Variants in ARHGEF38 observed in about 807,000 individuals in gnomAD.
ARHGEF38 encodes Rho guanine nucleotide exchange factor (GEF) 38.
In ARHGEF38, 79 loss-of-function variants were observed where a neutral mutation model predicts 79.9. The observed-to-expected ratio is 0.99, with a 90% CI of 0.82 to 1.19. The LOEUF is 1.19. ARHGEF38 is among the 50% of genes most tolerant of loss of function. The pLI, the probability that ARHGEF38 is intolerant of heterozygous loss-of-function variation, is 0.00. For synonymous variants in ARHGEF38, 366 were observed against 328.3 expected (o/e 1.11, Z -1.24); for missense variants, 962 against 907.2 (o/e 1.06, Z -0.78).
Position 105,666,391 on chromosome 4 carries a change from T to C in ARHGEF38, c.1689+71T>C, listed in dbSNP as rs185081069. 1,014 of 1,390,592 alleles carry C rather than the reference T, an allele frequency of 7.3e-4. 2 individuals carry two copies. Among genetic ancestry groups the C allele is most frequent in the African/African-American group, 6.0e-3 (415 of 68,666 alleles). The allele number at this position is 1,390,592 out of a possible 1,614,324, so 86.1% of individuals were successfully genotyped here. On this transcript the variant is annotated intron_variant, in intron 11 of 13. Coordinates refer to ENST00000420470, the MANE Select transcript of ARHGEF38 (RefSeq NM_001242729.2). ...CCTTATCCAAGTTGTAGTATCATAT[T>C]ATTTTCCAGATCACTTATCTCATTC...
chr4:105,613,617 T>C (rs1728394581), intron 3 of ARHGEF38, 110 bp downstream of exon 3: 2 of 1,230,776 alleles, frequency 1.6e-6, no homozygotes, highest in Non-Finnish European at 2.3e-6. Flanking sequence ...CCAGGAGATA[T>C]ATAAATGCTA....
intron 1 of ARHGEF38, among the ~76,000 whole-genome samples, chr4:105,575,506 G>T (rs2110430549): frequency 6.6e-6 from 1 of 152,002 alleles, no homozygotes; most frequent in Middle Eastern, 3.4e-3. Flanking sequence ...GAGGTTATTT[G>T]TTTTTTCCTT....
intron 3 of ARHGEF38, among the ~76,000 whole-genome samples, chr4:105,626,736 T>TAAAACACAATCTAAAACA (rs1411923632): frequency 1.3e-5 from 2 of 152,032 alleles, no homozygotes; most frequent in African/African-American, 4.8e-5. Context: ...CACAATCTGG[T>TAAAACACAATCTAAAACA]CAGTTACCTA....
chr4:105,592,971 T>C (rs1207409188), intron 2 of ARHGEF38, among the ~76,000 whole-genome samples: 1 of 152,160 alleles, frequency 6.6e-6, no homozygotes, highest in Non-Finnish European at 1.5e-5. Context: ...GTCTGTGTCC[T>C]TTCTCTCTCC....
At chr4:105,554,807 A>G (rs2110384361) in intron 1 of ARHGEF38, among the ~76,000 whole-genome samples, 1 of 152,254 alleles carries the variant, frequency 6.6e-6, no homozygotes, top group Non-Finnish European at 1.5e-5. Flanking sequence ...GGGTACCATA[A>G]TGATAAAACA....
rs897141518 is a variant in ARHGEF38, at chr4:105,552,650, G to A, written c.-116G>A. ...CAGCCAGGTAACCCTGGAGTGAAGC[G>A]GTTTAGTTAGAAGGGAGCAGATAAA... On this transcript the variant is annotated 5_prime_UTR_variant, in exon 1 of 14. Coordinates refer to ENST00000420470, the MANE Select transcript of ARHGEF38 (RefSeq NM_001242729.2). 8.3e-5 allele frequency: 63 copies of A among 760,526 alleles called. No individual in the cohort carries two copies. The highest frequency in any genetic ancestry group is 1.2e-4 in the Non-Finnish European group (58 of 495,176). 47.1% of individuals were successfully genotyped at this position (760,526 alleles called of 1,614,324 possible). A position where few individuals can be genotyped will look rare whatever the true frequency, so the allele number is the denominator to read the frequency against.
At chr4:105,568,039 TTTTTGTTCTTG>T (rs1726025264) in intron 1 of ARHGEF38, among the ~76,000 whole-genome samples, 1 of 149,082 alleles carries the variant, frequency 6.7e-6, no homozygotes, top group South Asian at 2.2e-4. Flanking sequence ...GGTGTTTGGT[TTTTTGTTCTTG>T]CGATAGTTTA....
intron 1 of ARHGEF38, among the ~76,000 whole-genome samples, chr4:105,584,218 A>G (rs1726925401): frequency 6.6e-6 from 1 of 152,240 alleles, no homozygotes; most frequent in Non-Finnish European, 1.5e-5. Context: ...GTTAAAAAAT[A>G]AAACAAAAAA....
At chr4:105,568,556 A>G (rs566496065) in intron 1 of ARHGEF38, among the ~76,000 whole-genome samples, 26 of 152,338 alleles carry the variant, frequency 1.7e-4, no homozygotes, top group African/African-American at 6.0e-4. Flanking sequence ...TCCAAAGACT[A>G]TGGAATTTGT....
In ARHGEF38 at chr4:105,677,874, T is replaced by G. The variant is rs1731177468; in HGVS notation, c.2271T>G (p.Ala757=). Residue 757 remains alanine (A), a synonymous_variant, in exon 14 of 14, where the codon GCT becomes GCG. Coordinates refer to ENST00000420470, the MANE Select transcript of ARHGEF38 (RefSeq NM_001242729.2). ...GTGGCAATAAAGAGTGGTGGTTAGCTGAAGCTCAAGGGCAGAAAGGATACG... is the reference window on the plus strand; with the variant it reads ...GTGGCAATAAAGAGTGGTGGTTAGCGGAAGCTCAAGGGCAGAAAGGATACG... The part of the protein sequence containing the change: ...DLSGNKEWWL[A]EAQGQKGYVP... 6.5e-7 allele frequency: 1 copy of G among 1,534,842 alleles called. No homozygotes were observed. Among genetic ancestry groups the G allele is most frequent in the Non-Finnish European group, 8.7e-7 (1 of 1,146,062 alleles).
chr4:105,597,618 A>T (rs1378800395), intron 2 of ARHGEF38, among the ~76,000 whole-genome samples: 1 of 152,228 alleles, frequency 6.6e-6, no homozygotes, highest in Non-Finnish European at 1.5e-5. Context: ...CTCTTCCATG[A>T]AATTGCCCTG....
In ARHGEF38 at chr4:105,677,742, C is replaced by T. The variant is rs1203828487; in HGVS notation, c.2149-10C>T. The T allele has an allele frequency of 7.8e-6, 11 of 1,412,048 alleles. No homozygotes were observed. Among genetic ancestry groups the T allele is most frequent in the Non-Finnish European group, 9.3e-6 (10 of 1,074,758 alleles). 87.5% of individuals were successfully genotyped at this position (1,412,048 alleles called of 1,614,324 possible). On this transcript the variant is annotated splice_polypyrimidine_tract_variant and intron_variant, in intron 13 of 13. Transcript: ENST00000420470. Reference sequence around the variant, plus strand: ...CCAATTCCAATAATGTCTTTTGTTTCTTTGTCTAGATTTTCTATGCAGTTC... The same window carrying T: ...CCAATTCCAATAATGTCTTTTGTTTTTTTGTCTAGATTTTCTATGCAGTTC...
intron 1 of ARHGEF38, among the ~76,000 whole-genome samples, chr4:105,566,271 C>A (rs1445590150): frequency 6.6e-6 from 1 of 152,192 alleles, no homozygotes; most frequent in African/African-American, 2.4e-5. Flanking sequence ...GCTCATGACA[C>A]TTTTGCATTT....
At chr4:105,614,851 A>T (rs1728449026) in intron 3 of ARHGEF38, among the ~76,000 whole-genome samples, 1 of 152,214 alleles carries the variant, frequency 6.6e-6, no homozygotes, top group African/African-American at 2.4e-5. Context: ...GAAAGGGCTC[A>T]TTTCTCTCTT....
At chr4:105,623,643 C>A (rs541158208) in intron 3 of ARHGEF38, among the ~76,000 whole-genome samples, 2 of 152,258 alleles carry the variant, frequency 1.3e-5, no homozygotes, top group East Asian at 3.9e-4. Context: ...AGGAAGACAT[C>A]GTGAGCTATC....
At chr4:105,578,234 G>A (rs1275582884) in intron 1 of ARHGEF38, among the ~76,000 whole-genome samples, 1 of 152,108 alleles carries the variant, frequency 6.6e-6, no homozygotes, top group Non-Finnish European at 1.5e-5. Flanking sequence ...GTATAGCTAT[G>A]GGGGTTCCTT....
chr4:105,623,825 T>C (rs993821787), intron 3 of ARHGEF38, among the ~76,000 whole-genome samples: 16 of 152,160 alleles, frequency 1.1e-4, no homozygotes, highest in African/African-American at 3.9e-4. Context: ...CAGAGCTTTT[T>C]CCTCTCCAAA....
intron 1 of ARHGEF38, 26 bp from the exon 2 acceptor site, chr4:105,589,222 C>T (rs376079005): frequency 5.2e-5 from 82 of 1,577,390 alleles, no homozygotes; most frequent in Admixed American, 3.8e-5. Flanking sequence ...CAGAATGCCT[C>T]ACCTGTATAT....
chr4:105,584,089 T>C (rs968681791), intron 1 of ARHGEF38, among the ~76,000 whole-genome samples: 18 of 152,210 alleles, frequency 1.2e-4, no homozygotes, highest in Admixed American at 8.5e-4. Context: ...GAATAGATAC[T>C]GTGCAGACAA....
Sources: gnomAD v4.1 joint callset for allele counts (sites outside exome capture counted in the v4.1 genomes callset) on GRCh38, gnomAD v4.1.1 for gene constraint, MANE v1.5 for transcripts, NCBI Gene and HGNC (gene_info 2026-07-23, HGNC 2026-07-21) for gene names.